Variants in VTI1A observed in about 807,000 individuals in gnomAD.
The protein encoded by VTI1A is vesicle transport through interaction with t-SNAREs homolog 1A.
Under a neutral mutation model 34.9 loss-of-function variants are expected in VTI1A, and 22 were observed. That is an observed-to-expected ratio of 0.63 (90% CI 0.45 to 0.90). The LOEUF is 0.90. VTI1A is among the 40% of genes least tolerant of loss of function. The probability of loss-of-function intolerance (pLI) is 0.00; values close to 1 mark genes in which losing one functional copy is unlikely to be tolerated. For missense variants in VTI1A, 268 were observed against 275.6 expected (o/e 0.97, Z 0.20); for synonymous variants, 87 against 97.3 (o/e 0.89, Z 0.62).
intron 7 of VTI1A, among the ~76,000 whole-genome samples, chr10:112,746,428 C>A (rs1220144569): frequency 6.6e-6 from 1 of 152,186 alleles, no homozygotes; most frequent in Non-Finnish European, 1.5e-5. Context: ...CAGAAAAAAG[C>A]CTTTCTGTCT....
intron 7 of VTI1A, among the ~76,000 whole-genome samples, chr10:112,784,451 G>A (rs1320024464): frequency 6.6e-6 from 1 of 152,136 alleles, no homozygotes; most frequent in South Asian, 2.1e-4. Context: ...AACCACTCCT[G>A]CCTATTTCTT....
chr10:112,479,573 T>G (rs985996909), intron 3 of VTI1A, among the ~76,000 whole-genome samples: 1 of 152,208 alleles, frequency 6.6e-6, no homozygotes, highest in Non-Finnish European at 1.5e-5. Flanking sequence ...AGATTTTCAT[T>G]TATTCTTCTG....
At chr10:112,517,706 A>G (rs1849836371) in intron 3 of VTI1A, among the ~76,000 whole-genome samples, 1 of 151,988 alleles carries the variant, frequency 6.6e-6, no homozygotes, top group Non-Finnish European at 1.5e-5. Flanking sequence ...AAAATATATG[A>G]CTCCAATCTA....
intron 5 of VTI1A, among the ~76,000 whole-genome samples, chr10:112,635,133 G>A (rs1055838027): frequency 3.3e-5 from 5 of 152,148 alleles, no homozygotes; most frequent in African/African-American, 9.7e-5. Context: ...TATGAGCCAG[G>A]CACTGTGCTC....
chr10:112,579,055 A>G (rs1238873456), intron 5 of VTI1A, among the ~76,000 whole-genome samples: 4 of 152,254 alleles, frequency 2.6e-5, no homozygotes, highest in Non-Finnish European at 5.9e-5. Flanking sequence ...ACTTTCTGGT[A>G]CATGGAAACT....
intron 4 of VTI1A, among the ~76,000 whole-genome samples, chr10:112,529,423 C>T (rs1208126786): frequency 6.6e-6 from 1 of 152,078 alleles, no homozygotes; most frequent in African/African-American, 2.4e-5. Context: ...TATTCCGCAT[C>T]AGCATTCATT....
intron 7 of VTI1A, among the ~76,000 whole-genome samples, chr10:112,740,311 A>G (rs1850647806): frequency 1.3e-5 from 2 of 151,716 alleles, no homozygotes; most frequent in Admixed American, 6.6e-5. Context: ...TCTTTTTGAG[A>G]CAGAGTCTTG....
At chr10:112,780,983 G>T (rs771504168) in intron 7 of VTI1A, among the ~76,000 whole-genome samples, 1 of 151,844 alleles carries the variant, frequency 6.6e-6, no homozygotes, top group African/African-American at 2.4e-5. Context: ...ATTTTTTGAC[G>T]AAGTCTCGCT....
intron 7 of VTI1A, among the ~76,000 whole-genome samples, chr10:112,806,938 G>C (rs929461017): frequency 1.3e-5 from 2 of 152,298 alleles, no homozygotes; most frequent in East Asian, 1.9e-4. Context: ...TGTGAAATGA[G>C]TGTTGTGGCA....
chr10:112,730,350 C>A (rs1474295019), intron 7 of VTI1A, among the ~76,000 whole-genome samples: 2 of 152,162 alleles, frequency 1.3e-5, no homozygotes, highest in Non-Finnish European at 2.9e-5. Flanking sequence ...TGTCTTTCAG[C>A]ACAACTTTGT....
At chr10:112,666,155 A>G (rs541281917) in intron 5 of VTI1A, among the ~76,000 whole-genome samples, 2 of 152,284 alleles carry the variant, frequency 1.3e-5, no homozygotes, top group African/African-American at 4.8e-5. Flanking sequence ...TATTGATATC[A>G]TCTTCCACTG....
rs565331882 is a variant in VTI1A, at chr10:112,488,149, T to G, written c.264+23492T>G. Among the ~76,000 whole-genome samples the G allele has an allele frequency of 1.8e-4, 28 of 152,348 alleles. No individual in the cohort carries two copies. In the East Asian group the frequency reaches 5.0e-3, roughly 27 times the overall value. On this transcript the variant is annotated intron_variant, in intron 3 of 7. Coordinates refer to ENST00000393077, the MANE Select transcript of VTI1A (RefSeq NM_145206.4). The stretch of plus-strand genomic sequence containing the variant: ...TATTGCTTCATCCTGCATTCTCCAA[T>G]GTTTGTACTATCAGGTACTAAACCT...
chr10:112,490,960 C>T (rs1028997716), intron 3 of VTI1A, among the ~76,000 whole-genome samples: 4 of 152,056 alleles, frequency 2.6e-5, no homozygotes, highest in Non-Finnish European at 4.4e-5. Flanking sequence ...CCCACCCTCC[C>T]CTACCAATTT....
intron 5 of VTI1A, among the ~76,000 whole-genome samples, chr10:112,653,274 C>T (rs1321915978): frequency 6.6e-6 from 1 of 152,178 alleles, no homozygotes; most frequent in African/African-American, 2.4e-5. Context: ...AGACCCTATT[C>T]TCCTGCCTCA....
chr10:112,568,883 G>A (rs551752824), intron 5 of VTI1A, among the ~76,000 whole-genome samples: 6 of 152,204 alleles, frequency 3.9e-5, no homozygotes, highest in African/African-American at 1.4e-4. Flanking sequence ...AGCTGGGCGC[G>A]GTGGCTAATG....
At chr10:112,601,277 T>C (rs973501520) in intron 5 of VTI1A, among the ~76,000 whole-genome samples, 1 of 152,086 alleles carries the variant, frequency 6.6e-6, no homozygotes, top group African/African-American at 2.4e-5. Context: ...AAGAAAGATA[T>C]TGACCACAGA....
the VTI1A span, among the ~76,000 whole-genome samples, chr10:112,850,684 C>CCAAATCATATCCCCT: frequency 6.6e-6 from 1 of 152,138 alleles, no homozygotes; most frequent in Admixed American, 6.5e-5. Context: ...TGAGGGCCCC[C>CCAAATCATATCCCCT]CAAATCATAT....
At chr10:112,486,678 CA>C (rs1848645089) in intron 3 of VTI1A, among the ~76,000 whole-genome samples, 1 of 150,874 alleles carries the variant, frequency 6.6e-6, no homozygotes. Context: ...TAAGAATATA[CA>C]ACTTATATTT....
intron 7 of VTI1A, among the ~76,000 whole-genome samples, chr10:112,769,219 A>G (rs976082886): frequency 3.3e-5 from 5 of 152,196 alleles, no homozygotes; most frequent in Non-Finnish European, 7.3e-5. Flanking sequence ...CAGCCCAGCT[A>G]ACTTCAGAAC....
Sources: gnomAD v4.1 joint callset for allele counts (sites outside exome capture counted in the v4.1 genomes callset) on GRCh38, gnomAD v4.1.1 for gene constraint, MANE v1.5 for transcripts, NCBI Gene and HGNC (gene_info 2026-07-23, HGNC 2026-07-21) for gene names.